MAGI2: variants seen among roughly 807,000 people sequenced by gnomAD.
The protein encoded by MAGI2 is membrane associated guanylate kinase, WW and PDZ domain containing 2, also known as membrane-associated guanylate kinase, WW and PDZ domain-containing protein 2.
In MAGI2, 35 loss-of-function variants were observed where a neutral mutation model predicts 133.3. That is an observed-to-expected ratio of 0.26 (90% CI 0.20 to 0.35). The LOEUF is 0.35. Ranked by LOEUF, MAGI2 falls within the 10% of genes least tolerant of loss-of-function variation. MAGI2 has a pLI of 1.00. For missense variants in MAGI2, 1,636 were observed against 1,863.4 expected, an observed-to-expected ratio of 0.88 and a Z score of 2.25; for synonymous variants, 729 against 710.6, an observed-to-expected ratio of 1.03 and a Z score of -0.41.
chr7:78,589,214 C>G (rs1292696925), intron 3 of MAGI2, among the ~76,000 whole-genome samples: 1 of 152,186 alleles, frequency 6.6e-6, no homozygotes, highest in African/African-American at 2.4e-5. Flanking sequence ...TCACCATCAC[C>G]ACCATCATGT....
chr7:79,141,874 G>A (rs1585032193), intron 1 of MAGI2, among the ~76,000 whole-genome samples: 1 of 152,086 alleles, frequency 6.6e-6, no homozygotes, highest in East Asian at 1.9e-4. Flanking sequence ...GGATACCTAT[G>A]TCTTGAATAT....
intron 9 of MAGI2, among the ~76,000 whole-genome samples, chr7:78,279,828 T>C (rs943219384): frequency 6.6e-6 from 1 of 152,184 alleles, no homozygotes; most frequent in African/African-American, 2.4e-5. Flanking sequence ...CTGGCTCCAA[T>C]AGCAGGATCT....
intron 3 of MAGI2, among the ~76,000 whole-genome samples, chr7:78,607,261 C>A (rs928690969): frequency 3.9e-5 from 6 of 151,966 alleles, no homozygotes; most frequent in Admixed American, 2.0e-4. Context: ...AGTCATGTCA[C>A]CCAATCGCAG....
At chr7:79,169,390 C>A (rs1436293156) in intron 1 of MAGI2, among the ~76,000 whole-genome samples, 1 of 152,094 alleles carries the variant, frequency 6.6e-6, no homozygotes, top group Admixed American at 6.6e-5. Context: ...ATGGTTAGTT[C>A]TTTGGAATGT....
chr7:78,972,959 AC>A (rs1248590508), intron 2 of MAGI2, among the ~76,000 whole-genome samples: 1 of 151,720 alleles, frequency 6.6e-6, no homozygotes, highest in Non-Finnish European at 1.5e-5. Flanking sequence ...ACACACACAC[AC>A]ACACACACAC....
At chr7:79,425,067 G>A (rs1847244104) in intron 1 of MAGI2, among the ~76,000 whole-genome samples, 1 of 151,916 alleles carries the variant, frequency 6.6e-6, no homozygotes, top group Non-Finnish European at 1.5e-5. Context: ...GGCCAAGATG[G>A]TGAAACTCCA....
At chr7:78,152,971 T>C (rs1286195578) in intron 16 of MAGI2, among the ~76,000 whole-genome samples, 1 of 152,242 alleles carries the variant, frequency 6.6e-6, no homozygotes, top group Non-Finnish European at 1.5e-5. Context: ...GGGAACTTGT[T>C]TGTGCAAACC....
intron 6 of MAGI2, among the ~76,000 whole-genome samples, chr7:78,389,739 G>A (rs565605777): frequency 1.1e-3 from 174 of 152,236 alleles, no homozygotes; most frequent in African/African-American, 4.0e-3. Flanking sequence ...CTGGTTTGGG[G>A]TAGAGGAGAG....
chr7:78,061,489 C>G (rs1455997921), intron 21 of MAGI2, among the ~76,000 whole-genome samples: 1 of 151,182 alleles, frequency 6.6e-6, no homozygotes, highest in East Asian at 1.9e-4. Flanking sequence ...TAGTTTTGAG[C>G]CAACCAGGAG....
intron 2 of MAGI2, among the ~76,000 whole-genome samples, chr7:78,950,070 C>A (rs1038205546): frequency 6.6e-5 from 10 of 152,130 alleles, no homozygotes; most frequent in Non-Finnish European, 1.3e-4. Context: ...CCCTCCTCTG[C>A]ATCTCCTCCC....
chr7:79,004,320 G>A (rs1015142269), intron 2 of MAGI2, among the ~76,000 whole-genome samples: 1 of 152,192 alleles, frequency 6.6e-6, no homozygotes, highest in Non-Finnish European at 1.5e-5. Context: ...ATGGACAGAA[G>A]TGGAGATCAC....
chr7:78,590,391 C>G (rs1191563135), intron 3 of MAGI2, among the ~76,000 whole-genome samples: 3 of 152,138 alleles, frequency 2.0e-5, no homozygotes, highest in African/African-American at 7.2e-5. Context: ...ACTCCAGGAG[C>G]TTGGGTCATC....
chr7:79,188,185 C>T (rs1466043735), intron 1 of MAGI2, among the ~76,000 whole-genome samples: 4 of 151,708 alleles, frequency 2.6e-5, no homozygotes, highest in African/African-American at 7.3e-5. Flanking sequence ...TAAACATGTG[C>T]CATGGTGGTT....
intron 2 of MAGI2, among the ~76,000 whole-genome samples, chr7:78,869,692 C>T (rs988908576): frequency 6.6e-6 from 1 of 152,060 alleles, no homozygotes; most frequent in Non-Finnish European, 1.5e-5. Context: ...TTTATGAAGC[C>T]ATCAGATCTC....
chr7:78,622,999 C>T (rs1410179828), intron 3 of MAGI2, among the ~76,000 whole-genome samples: 1 of 152,092 alleles, frequency 6.6e-6, no homozygotes, highest in African/African-American at 2.4e-5. Flanking sequence ...TTCAGAGTAA[C>T]CCATTCTGGC....
chr7:78,083,769 TTGC>T lies in MAGI2; in HGVS notation c.3568-4687_3568-4685del, dbSNP rs1816317861. Among the ~76,000 whole-genome samples the T allele has an allele frequency of 2.0e-5, 3 of 152,304 alleles. No individual in the cohort carries two copies. In the South Asian group the frequency reaches 6.2e-4, roughly 32 times the overall value. Reference sequence around the variant, plus strand: ...TTAACAAAACACCAAATCTTTGAACTTGCTTGGGGCTTTCCAGGTAAAAAACTT... The same window carrying T: ...TTAACAAAACACCAAATCTTTGAACTTTGGGGCTTTCCAGGTAAAAAACTT... On this transcript the variant is annotated intron_variant, in intron 20 of 21. Transcript: ENST00000354212.
intron 3 of MAGI2, among the ~76,000 whole-genome samples, chr7:78,604,584 C>G (rs537993613): frequency 2.0e-5 from 3 of 151,982 alleles, no homozygotes; most frequent in Non-Finnish European, 4.4e-5. Flanking sequence ...TAGCAGTGAA[C>G]AAAATAGACA....
intron 1 of MAGI2, among the ~76,000 whole-genome samples, chr7:79,207,589 T>G (rs1829162746): frequency 6.6e-6 from 1 of 151,948 alleles, no homozygotes. Context: ...ATATTCCATG[T>G]TCTATGGATT....
chr7:78,308,654 A>G (rs996576120), intron 9 of MAGI2, among the ~76,000 whole-genome samples: 19 of 151,530 alleles, frequency 1.3e-4, no homozygotes, highest in Admixed American at 1.1e-3. Context: ...TTCCATTACT[A>G]TATTCACACT....
Sources: gnomAD v4.1 joint callset for allele counts (sites outside exome capture counted in the v4.1 genomes callset) on GRCh38, gnomAD v4.1.1 for gene constraint, MANE v1.5 for transcripts, NCBI Gene and HGNC (gene_info 2026-07-23, HGNC 2026-07-21) for gene names.